Variants in ADGB observed in about 807,000 individuals in gnomAD.
ADGB encodes calpain-7-like protein.
In ADGB, 172 loss-of-function variants were observed where a neutral mutation model predicts 210.5. The observed-to-expected ratio is 0.82, with a 90% confidence interval of 0.72 to 0.93. The LOEUF (loss-of-function observed/expected upper bound fraction) is 0.93. ADGB is among the 40% of genes least tolerant of loss of function. The probability of loss-of-function intolerance (pLI) is 0.00; values close to 1 mark genes in which losing one functional copy is unlikely to be tolerated. For synonymous variants in ADGB, 658 were observed against 662.7 expected (o/e 0.99, Z 0.11); for missense variants, 2,025 against 1,964.8 (o/e 1.03, Z -0.58).
intron 10 of ADGB, among the ~76,000 whole-genome samples, chr6:146,688,318 G>A (rs1776260337): frequency 2.6e-5 from 4 of 152,070 alleles, no homozygotes; most frequent in Admixed American, 2.6e-4. Flanking sequence ...AGACATAACA[G>A]AAACATGTCA....
intron 13 of ADGB, among the ~76,000 whole-genome samples, chr6:146,709,975 C>A (rs1268994424): frequency 1.3e-5 from 2 of 151,992 alleles, no homozygotes; most frequent in African/African-American, 4.8e-5. Flanking sequence ...ACAGGAAAGT[C>A]TTGTTCTTCC....
At chr6:146,705,641 T>C (rs184406666) in intron 13 of ADGB, among the ~76,000 whole-genome samples, 9 of 152,292 alleles carry the variant, frequency 5.9e-5, no homozygotes, top group Non-Finnish European at 1.5e-5. Flanking sequence ...TTAATCATGG[T>C]AAATGATCTT....
At chr6:146,803,447 G>GT (rs1274483401) in intron 35 of ADGB, 8 of 1,606,562 alleles carry the variant, frequency 5.0e-6, no homozygotes, top group Admixed American at 1.7e-5. Context: ...CCAGGGGGCT[G>GT]TTTTTTTCTG....
At chr6:146,691,495 T>A (rs1583592190) in intron 11 of ADGB, among the ~76,000 whole-genome samples, 1 of 22,858 alleles carries the variant, frequency 4.4e-5, no homozygotes, top group African/African-American at 2.9e-4. Flanking sequence ...TATATATATA[T>A]ATATATTTTT....
chr6:146,701,018 C>CTGCA lies in ADGB; in HGVS notation c.1656_1659dup (p.Thr554CysfsTer4). 6.4e-7 allele frequency: 1 copy of CTGCA among 1,551,058 alleles called. No individual in the cohort carries two copies. The highest frequency in any genetic ancestry group is 8.7e-7 in the Non-Finnish European group (1 of 1,146,488). ...CCTTCCGTCAGTGAAACTGATGAAA[C>CTGCA]TGCAACACATAGCCAGACAGACTTG... is the stretch of plus-strand genomic sequence containing the variant. On this transcript the variant is annotated frameshift_variant, in exon 13 of 36. Transcript: ENST00000397944. LOFTEE classifies it high-confidence loss of function.
intron 28 of ADGB, 125 bp downstream of exon 28, chr6:146,764,225 G>T: frequency 1.3e-6 from 1 of 756,490 alleles, no homozygotes; most frequent in Non-Finnish European, 2.0e-6. Context: ...CAGAATTGGA[G>T]AATAAGAGAG....
chr6:146,746,930 TA>T lies in ADGB; in HGVS notation c.3365+830del, dbSNP rs138372510. On this transcript the variant is annotated intron_variant, in intron 26 of 35. Transcript: ENST00000397944. ...TGTGTCCTGTCCCCACCTCTCCACT[TA>T]AAAAAAAATCATCACCTTTAATGAT... Among the ~76,000 whole-genome samples, 391 of 151,530 alleles carry T rather than the reference TA, an allele frequency of 2.6e-3. 2 individuals are homozygous for T. Among genetic ancestry groups the T allele is most frequent in the Middle Eastern group, 0.01 (3 of 294 alleles).
chr6:146,767,617 T>C (rs1777595545), intron 28 of ADGB, among the ~76,000 whole-genome samples: 1 of 152,126 alleles, frequency 6.6e-6, no homozygotes, highest in Non-Finnish European at 1.5e-5. Flanking sequence ...TATAGGCACA[T>C]GCCCCCACAC....
chr6:146,725,022 A>G (rs992723392), intron 18 of ADGB: 5 of 152,346 alleles, frequency 3.3e-5, no homozygotes, highest in Non-Finnish European at 7.3e-5. Context: ...ATGAAAAGCT[A>G]TGTCTCTTAT....
intron 1 of ADGB, among the ~76,000 whole-genome samples, chr6:146,607,307 G>A (rs183229155): frequency 1.1e-4 from 16 of 152,258 alleles, no homozygotes; most frequent in Admixed American, 9.2e-4. Flanking sequence ...AGGCTTTAGA[G>A]TTTACTATGT....
intron 12 of ADGB, among the ~76,000 whole-genome samples, chr6:146,698,438 T>C (rs1479912893): frequency 1.3e-5 from 2 of 152,214 alleles, no homozygotes; most frequent in African/African-American, 4.8e-5. Context: ...TACTTTTAGA[T>C]ACTCTTTACA....
chr6:146,684,767 C>A (rs575416995), intron 9 of ADGB, among the ~76,000 whole-genome samples: 1 of 151,864 alleles, frequency 6.6e-6, no homozygotes, highest in Non-Finnish European at 1.5e-5. Flanking sequence ...GGGGAGACAG[C>A]GTCTGTGGAC....
intron 29 of ADGB, among the ~76,000 whole-genome samples, chr6:146,781,463 G>T (rs1777799032): frequency 1.4e-5 from 2 of 147,078 alleles, no homozygotes; most frequent in Non-Finnish European, 3.0e-5. Flanking sequence ...GAAATTCTTA[G>T]AAATGAATTA....
chr6:146,618,256 A>G (rs9403796), intron 1 of ADGB, among the ~76,000 whole-genome samples: 102,366 of 150,618 alleles, frequency 0.68, 34,784 homozygotes, highest in Middle Eastern at 0.7. Context: ...TATTTATTTG[A>G]GTCTTACGGT....
At chr6:146,779,667 T>G (rs13216411) in intron 29 of ADGB, among the ~76,000 whole-genome samples, 71,881 of 151,412 alleles carry the variant, frequency 0.47, 17,379 homozygotes, top group Admixed American at 0.58. Context: ...CATATTCAAA[T>G]AACTGCAAAG....
chr6:146,732,345 C>T (rs937257279), intron 20 of ADGB, among the ~76,000 whole-genome samples: 1 of 152,084 alleles, frequency 6.6e-6, no homozygotes, highest in African/African-American at 2.4e-5. Context: ...AAGCAATTTG[C>T]CACCAAGTAA....
chr6:146,707,592 A>G (rs1289906699), intron 13 of ADGB, among the ~76,000 whole-genome samples: 7 of 151,896 alleles, frequency 4.6e-5, no homozygotes, highest in Admixed American at 3.3e-4. Flanking sequence ...AAATAACCTT[A>G]TTTGTCTCTT....
intron 1 of ADGB, among the ~76,000 whole-genome samples, chr6:146,630,100 G>T (rs1781038138): frequency 6.6e-6 from 1 of 151,830 alleles, no homozygotes; most frequent in South Asian, 2.1e-4. Flanking sequence ...AGCTGGGCAT[G>T]GTGGCAGGTG....
Position 146,801,975 on chromosome 6 carries a change from A to G in ADGB, c.4782A>G (p.Leu1594=). 6.5e-7 allele frequency: 1 copy of G among 1,550,124 alleles called. No homozygotes were observed. Among genetic ancestry groups the G allele is most frequent in the South Asian group, 1.2e-5 (1 of 83,656 alleles). Residue 1594 remains leucine, a synonymous_variant, in exon 35 of 36, where the codon TTA becomes TTG. Transcript: ENST00000397944. ...RNIDQEERLK[L]KDEVLDMYKE... ...TTGACCAAGAAGAGCGGTTGAAGTTAAAGGATGAAGTCCTGGATATGTATA... is the reference window on the plus strand; with the variant it reads ...TTGACCAAGAAGAGCGGTTGAAGTTGAAGGATGAAGTCCTGGATATGTATA...
Sources: allele counts gnomAD v4.1 joint callset (sites outside exome capture counted in the v4.1 genomes callset), GRCh38; gene constraint gnomAD v4.1.1; transcripts MANE v1.5; gene names NCBI Gene and HGNC (gene_info 2026-07-23, HGNC 2026-07-21).